Variants in CIMIP7 observed in about 807,000 individuals in gnomAD.
CIMIP7 encodes the protein uncharacterized protein C3orf84.
the CIMIP7 span, chr3:49,190,121 A>G: frequency 6.2e-7 from 1 of 1,604,794 alleles, no homozygotes; most frequent in East Asian, 2.2e-5. Context: ...TGTAGTGCCC[A>G]TAGAAGCCAT....
the CIMIP7 span, among the ~76,000 whole-genome samples, chr3:49,181,688 T>C: frequency 6.6e-6 from 1 of 152,146 alleles, no homozygotes. Flanking sequence ...CTAGAATATA[T>C]AAGGAAGTCT....
chr3:49,186,685 G>A, the CIMIP7 span, among the ~76,000 whole-genome samples: 1 of 152,212 alleles, frequency 6.6e-6, no homozygotes, highest in Admixed American at 6.5e-5. Flanking sequence ...TAACAGGCGT[G>A]AGCCACCGCA....
At chr3:49,183,161 A>G in the CIMIP7 span, among the ~76,000 whole-genome samples, 2 of 152,224 alleles carry the variant, frequency 1.3e-5, no homozygotes, top group Non-Finnish European at 2.9e-5. Context: ...GAGGGCTGCC[A>G]GCACGCTGTC....
At chr3:49,178,610 G>T in the CIMIP7 span, 1 of 1,357,150 alleles carries the variant, frequency 7.4e-7, no homozygotes, top group Non-Finnish European at 1.0e-6. Context: ...CTGGATCACT[G>T]CCTCAGGGTC....
At chr3:49,187,014 A>C in the CIMIP7 span, among the ~76,000 whole-genome samples, 1 of 152,174 alleles carries the variant, frequency 6.6e-6, no homozygotes, top group Admixed American at 6.6e-5. Context: ...CCCATTGTCT[A>C]TCCTCAGCTA....
chr3:49,188,824 G>T, the CIMIP7 span, among the ~76,000 whole-genome samples: 26 of 152,180 alleles, frequency 1.7e-4, no homozygotes, highest in African/African-American at 6.3e-4. Flanking sequence ...TTGAGACCGA[G>T]TCTCACTCTG....
the CIMIP7 span, among the ~76,000 whole-genome samples, chr3:49,183,205 G>A: frequency 6.6e-6 from 1 of 152,184 alleles, no homozygotes; most frequent in African/African-American, 2.4e-5. Flanking sequence ...TTAAACATCA[G>A]GGAAATGCAA....
chr3:49,179,274 G>A, the CIMIP7 span, among the ~76,000 whole-genome samples: 1 of 152,102 alleles, frequency 6.6e-6, no homozygotes, highest in South Asian at 2.1e-4. Flanking sequence ...CCCGATCCAA[G>A]CCACATTACT....
the CIMIP7 span, among the ~76,000 whole-genome samples, chr3:49,183,580 G>C: frequency 5.9e-5 from 9 of 152,144 alleles, no homozygotes; most frequent in African/African-American, 2.2e-4. Context: ...GCTTGAGCCC[G>C]GGAGGCGGAG....
chr3:49,181,514 C>G, the CIMIP7 span, among the ~76,000 whole-genome samples: 3 of 152,034 alleles, frequency 2.0e-5, no homozygotes, highest in Non-Finnish European at 2.9e-5. Context: ...ACAAATTAGC[C>G]AGGCGTGGTG....
At chr3:49,188,145 G>A in the CIMIP7 span, among the ~76,000 whole-genome samples, 1 of 152,224 alleles carries the variant, frequency 6.6e-6, no homozygotes, top group Admixed American at 6.5e-5. Context: ...TGGGCAGTAT[G>A]GAGCTGCATC....
the CIMIP7 span, among the ~76,000 whole-genome samples, chr3:49,188,574 G>C: frequency 2.0e-5 from 3 of 152,062 alleles, no homozygotes; most frequent in Non-Finnish European, 4.4e-5. Context: ...ATCCTGTCAG[G>C]GTGACCCTTT....
the CIMIP7 span, among the ~76,000 whole-genome samples, chr3:49,188,432 T>C: frequency 6.6e-6 from 1 of 152,094 alleles, no homozygotes; most frequent in African/African-American, 2.4e-5. Context: ...CACCCCACAC[T>C]AGGCTCCCTT....
the CIMIP7 span, among the ~76,000 whole-genome samples, chr3:49,191,277 TTGTC>T: frequency 2.7e-4 from 41 of 152,218 alleles, no homozygotes; most frequent in Non-Finnish European, 5.6e-4. Flanking sequence ...GTGGATCACT[TTGTC>T]TGTCTATCCT....
the CIMIP7 span, among the ~76,000 whole-genome samples, chr3:49,180,353 TG>T: frequency 6.6e-6 from 1 of 152,176 alleles, no homozygotes; most frequent in African/African-American, 2.4e-5. Flanking sequence ...TCCACTCCCA[TG>T]CAGAGAAAGC....
At chr3:49,188,579 C>G in the CIMIP7 span, among the ~76,000 whole-genome samples, 1 of 152,110 alleles carries the variant, frequency 6.6e-6, no homozygotes, top group African/African-American at 2.4e-5. Context: ...GTCAGGGTGA[C>G]CCTTTTCATA....
the CIMIP7 span, chr3:49,190,116 T>C: frequency 3.1e-6 from 5 of 1,605,780 alleles, no homozygotes; most frequent in Non-Finnish European, 4.2e-6. Context: ...GCTTCTGTAG[T>C]GCCCATAGAA....
the CIMIP7 span, among the ~76,000 whole-genome samples, chr3:49,186,323 C>T: frequency 6.6e-6 from 1 of 151,996 alleles, no homozygotes; most frequent in African/African-American, 2.4e-5. Flanking sequence ...CTGCAAGCTC[C>T]ACCTCCCGTG....
At chr3:49,190,659 C>A in the CIMIP7 span, among the ~76,000 whole-genome samples, 1 of 143,830 alleles carries the variant, frequency 7.0e-6, no homozygotes, top group African/African-American at 2.6e-5. Context: ...TCATGCCAGG[C>A]TGAATTTTTT....
Sources: gnomAD v4.1 joint callset for allele counts (sites outside exome capture counted in the v4.1 genomes callset) on GRCh38, gnomAD v4.1.1 for gene constraint, MANE v1.5 for transcripts, NCBI Gene and HGNC (gene_info 2026-07-23, HGNC 2026-07-21) for gene names.